IKBKG: variants seen among roughly 807,000 people sequenced by gnomAD.
IKBKG encodes the protein NF-kappa-B essential modulator.
In IKBKG, 2 loss-of-function variants were observed where a neutral mutation model predicts 13.7. The observed-to-expected ratio is 0.15, with a 90% CI of 0.06 to 0.46. The LOEUF is 0.46. IKBKG is among the 20% of genes least tolerant of loss of function. The pLI is 0.98. For synonymous variants in IKBKG, 22 were observed against 64.4 expected, an observed-to-expected ratio of 0.34 and a Z score of 3.15; for missense variants, 53 against 150.3, an observed-to-expected ratio of 0.35 and a Z score of 3.39.
At chrX:154,543,334 C>T (rs1173063777), upstream of IKBKG, among the ~76,000 whole-genome samples, 5 of 112,446 alleles carry the variant, frequency 4.4e-5, no homozygotes, top group East Asian at 1.1e-3. Flanking sequence ...TGGCCACAGG[C>T]GGAGGCAGTG....
At chrX:154,542,051 A>G (rs1557232038) in intron 1 of IKBKG, among the ~76,000 whole-genome samples, 1 of 111,791 alleles carries the variant, frequency 8.9e-6, no homozygotes, top group African/African-American at 3.3e-5. Flanking sequence ...TCAGCTGAAA[A>G]ACCAACAAAA....
At chrX:154,545,796 C>A, upstream of IKBKG, 1 of 358,460 alleles carries the variant, frequency 2.8e-6, no homozygotes, top group South Asian at 3.6e-5. Context: ...GATGGCGCCA[C>A]TGCACCCCAT....
upstream of IKBKG, chrX:154,546,836 C>T (rs1557233553): frequency 8.7e-7 from 1 of 1,143,573 alleles, no homozygotes; most frequent in Non-Finnish European, 1.2e-6. Context: ...CCGAAGTGTA[C>T]GACCGTTTCC....
At chrX:154,553,160 C>A (rs2070979823) in intron 2 of IKBKG, among the ~76,000 whole-genome samples, 1 of 112,366 alleles carries the variant, frequency 8.9e-6, no homozygotes, top group South Asian at 3.6e-4. Context: ...AAGTGTCCAC[C>A]CCATCGTGGA....
upstream of IKBKG, chrX:154,547,194 G>T: frequency 2.8e-6 from 1 of 363,420 alleles, no homozygotes; most frequent in Non-Finnish European, 3.6e-6. Context: ...GCGGCCTCGC[G>T]CGCTCGCGGA....
chrX:154,549,477 G>A (rs2070867241), intron 1 of IKBKG, among the ~76,000 whole-genome samples: 1 of 101,305 alleles, frequency 9.9e-6, no homozygotes, highest in Non-Finnish European at 2.0e-5. Context: ...ACAGGGTTTT[G>A]TCATGTTGGC....
At chrX:154,549,163 A>G (rs1216378033) in intron 1 of IKBKG, among the ~76,000 whole-genome samples, 2 of 109,001 alleles carry the variant, frequency 1.8e-5, no homozygotes, top group Non-Finnish European at 3.8e-5. Flanking sequence ...TTGTATTTTT[A>G]GTAGAGATGG....
intron 1 of IKBKG, chrX:154,548,002 GA>G: frequency 1.3e-6 from 1 of 754,818 alleles, no homozygotes; most frequent in Non-Finnish European, 1.6e-6. Flanking sequence ...CTCTAGTTCA[GA>G]GACATATTCT....
chrX:154,549,155 G>A (rs1255380191), intron 1 of IKBKG, among the ~76,000 whole-genome samples: 16 of 109,384 alleles, frequency 1.5e-4, no homozygotes, highest in Non-Finnish European at 2.9e-4. Flanking sequence ...GCTAATTTTT[G>A]TATTTTTAGT....
intron 1 of IKBKG, among the ~76,000 whole-genome samples, chrX:154,548,990 C>T (rs1292735122): frequency 9.7e-6 from 1 of 102,641 alleles, no homozygotes; most frequent in Non-Finnish European, 2.0e-5. Context: ...TTCTTTCTTT[C>T]TTTCTTTTTT....
chrX:154,545,184 A>G (rs1557232902), upstream of IKBKG, among the ~76,000 whole-genome samples: 1 of 111,169 alleles, frequency 9.0e-6, no homozygotes, highest in Non-Finnish European at 1.9e-5. Flanking sequence ...TCCTCATGCT[A>G]TACTATTCTT....
chrX:154,543,100 A>C (rs782795806), upstream of IKBKG, among the ~76,000 whole-genome samples: 3 of 112,134 alleles, frequency 2.7e-5, no homozygotes, highest in African/African-American at 9.7e-5. Context: ...GAGCTGTTCC[A>C]GGTGCTGCCT....
At chrX:154,544,051 C>T (rs915696947), upstream of IKBKG, among the ~76,000 whole-genome samples, 4 of 109,856 alleles carry the variant, frequency 3.6e-5, no homozygotes, top group East Asian at 2.8e-4. Flanking sequence ...TTAGTAGAGA[C>T]GGGATTTCAC....
chrX:154,550,962 G>A (rs1214023103), intron 1 of IKBKG, among the ~76,000 whole-genome samples: 4 of 110,490 alleles, frequency 3.6e-5, no homozygotes, highest in African/African-American at 6.6e-5. Flanking sequence ...ACAGGCGCCC[G>A]CTACCATGCC....
At chrX:154,555,302 C>T (rs1478936178) in intron 2 of IKBKG, among the ~76,000 whole-genome samples, 1 of 111,681 alleles carries the variant, frequency 9.0e-6, no homozygotes, top group Non-Finnish European at 1.9e-5. Flanking sequence ...TTAGGACCCC[C>T]GATCTAGAAG....
chrX:154,553,347 T>A (rs1166152788), intron 2 of IKBKG, among the ~76,000 whole-genome samples: 1 of 112,764 alleles, frequency 8.9e-6, no homozygotes, highest in Non-Finnish European at 1.9e-5. Flanking sequence ...AGATGTTATG[T>A]GGGGCTCTGT....
chrX:154,550,726 C>T (rs942472613), intron 1 of IKBKG, among the ~76,000 whole-genome samples: 3 of 111,115 alleles, frequency 2.7e-5, no homozygotes, highest in East Asian at 2.8e-4. Context: ...CTGCAACGTC[C>T]GCCTCCTGGG....
At chrX:154,541,824 A>G (rs1473111819) in intron 1 of IKBKG, among the ~76,000 whole-genome samples, 2 of 112,429 alleles carry the variant, frequency 1.8e-5, no homozygotes, top group Non-Finnish European at 3.8e-5. Context: ...TGTCTGTTTT[A>G]TAAACCGAAA....
chrX:154,546,723 C>T (rs2070730643), upstream of IKBKG: 4 of 937,184 alleles, frequency 4.3e-6, no homozygotes, highest in East Asian at 7.0e-5. Flanking sequence ...GTGTATTTTA[C>T]CGCCGCGCGG....
Sources: allele counts gnomAD v4.1 joint callset (sites outside exome capture counted in the v4.1 genomes callset), GRCh38; gene constraint gnomAD v4.1.1; transcripts MANE v1.5; gene names NCBI Gene and HGNC (gene_info 2026-07-23, HGNC 2026-07-21).